The following PTPRD variants were observed in gnomAD, a reference collection of about 807,000 sequenced individuals.
PTPRD encodes receptor-type tyrosine-protein phosphatase delta.
In PTPRD, 34 loss-of-function variants were observed where a neutral mutation model predicts 214.5. That is an observed-to-expected ratio of 0.16 (90% CI 0.12 to 0.21). PTPRD has a LOEUF of 0.21. Ranked by LOEUF, PTPRD falls within the 10% of genes least tolerant of loss-of-function variation. The pLI is 1.00. For synonymous variants in PTPRD, 1,128 were observed against 845.7 expected (o/e 1.33, Z -5.79); for missense variants, 2,545 against 2,398.7 (o/e 1.06, Z -1.27).
Position 8,577,474 on chromosome 9 carries a change from G to A in PTPRD, c.353-48695C>T, listed in dbSNP as rs145223650. 1.4e-3 allele frequency among the ~76,000 whole-genome samples: 208 copies of A among 152,078 alleles called. 1 individual carries two copies. The highest frequency in any genetic ancestry group is 4.9e-3 in the African/African-American group (202 of 41,502). On this transcript the variant is annotated intron_variant, in intron 14 of 45. Coordinates refer to ENST00000381196, the MANE Select transcript of PTPRD (RefSeq NM_002839.4). ...TTCTCCATGTTGGTCAGGCTGGTCT[G>A]GAACTCCCGACCTCAGGTGATCCGC... is the stretch of plus-strand genomic sequence containing the variant.
chr9:10,155,649 CA>C (rs1196377676), intron 3 of PTPRD, among the ~76,000 whole-genome samples: 4 of 152,092 alleles, frequency 2.6e-5, no homozygotes, highest in African/African-American at 9.7e-5. Context: ...GAGTTTTTAA[CA>C]TGAAGTGGTG....
intron 8 of PTPRD, among the ~76,000 whole-genome samples, chr9:9,442,999 C>A (rs550863541): frequency 1.3e-5 from 2 of 152,054 alleles, no homozygotes; most frequent in East Asian, 3.9e-4. Context: ...ATTTGCTTTT[C>A]TTAGTGATAA....
At chr9:9,492,965 T>C (rs913716986) in intron 8 of PTPRD, among the ~76,000 whole-genome samples, 1 of 146,242 alleles carries the variant, frequency 6.8e-6, no homozygotes, top group Non-Finnish European at 1.5e-5. Context: ...ACAAACATAC[T>C]AGATAAATGT....
At chr9:10,024,145 CAA>C (rs1441030119) in intron 4 of PTPRD, among the ~76,000 whole-genome samples, 1 of 152,002 alleles carries the variant, frequency 6.6e-6, no homozygotes, top group African/African-American at 2.4e-5. Context: ...TGTGGGATAA[CAA>C]ATGTTTCAGT....
chr9:9,424,531 T>A (rs2080086310), intron 8 of PTPRD, among the ~76,000 whole-genome samples: 2 of 152,132 alleles, frequency 1.3e-5, no homozygotes, highest in South Asian at 2.1e-4. Context: ...CTCAGGTTTT[T>A]GAGAATTTAG....
intron 8 of PTPRD, among the ~76,000 whole-genome samples, chr9:9,451,871 G>GA (rs1473060312): frequency 1.3e-4 from 19 of 150,560 alleles, no homozygotes; most frequent in South Asian, 2.1e-4. Context: ...AGATGAATGA[G>GA]AAAAAATTCA....
chr9:8,737,661 T>C (rs1212802084), intron 11 of PTPRD, among the ~76,000 whole-genome samples: 1 of 152,190 alleles, frequency 6.6e-6, no homozygotes. Flanking sequence ...CTGCTCCTTC[T>C]TTCTTGAGAC....
chr9:9,877,103 A>G (rs1038249873), intron 5 of PTPRD, among the ~76,000 whole-genome samples: 3 of 152,182 alleles, frequency 2.0e-5, no homozygotes, highest in Non-Finnish European at 4.4e-5. Flanking sequence ...ATCTAATTAC[A>G]GAGATATATT....
chr9:9,206,699 G>A lies in PTPRD; in HGVS notation c.-202-23336C>T, dbSNP rs564343519. Among the ~76,000 whole-genome samples, 16 of 152,226 alleles carry A rather than the reference G, an allele frequency of 1.1e-4. No homozygotes were observed. The South Asian group carries it at 2.7e-3, about 26-fold the overall frequency. Reference sequence around the variant, plus strand: ...CTGTCTTTTGTGTTGGATGCTTCCTGGCCTTGAACATCAGACTCCAAGTTC... The same window carrying A: ...CTGTCTTTTGTGTTGGATGCTTCCTAGCCTTGAACATCAGACTCCAAGTTC... On this transcript the variant is annotated intron_variant, in intron 9 of 45. Transcript: ENST00000381196.
chr9:8,372,743 C>CT (rs2081937988), intron 39 of PTPRD, among the ~76,000 whole-genome samples: 2 of 152,098 alleles, frequency 1.3e-5, no homozygotes, highest in Non-Finnish European at 2.9e-5. Flanking sequence ...CCCTAAAATT[C>CT]TTTTTTGTTG....
At chr9:10,421,183 A>G (rs901905392) in intron 2 of PTPRD, among the ~76,000 whole-genome samples, 1 of 151,834 alleles carries the variant, frequency 6.6e-6, no homozygotes, top group African/African-American at 2.4e-5. Flanking sequence ...TTGATCTACA[A>G]AAAAATTCAC....
At chr9:9,324,605 A>G (rs932566313) in intron 9 of PTPRD, among the ~76,000 whole-genome samples, 39 of 152,188 alleles carry the variant, frequency 2.6e-4, no homozygotes, top group Middle Eastern at 3.4e-3. Context: ...TTTGACAGAT[A>G]GGTAGATTGC....
chr9:9,282,118 T>A (rs1449856791), intron 9 of PTPRD, among the ~76,000 whole-genome samples: 1 of 151,304 alleles, frequency 6.6e-6, no homozygotes, highest in African/African-American at 2.4e-5. Context: ...AATGAATAGG[T>A]GAAGTATAGA....
intron 2 of PTPRD, among the ~76,000 whole-genome samples, chr9:10,362,199 A>AG (rs1361618059): frequency 6.6e-6 from 1 of 152,188 alleles, no homozygotes; most frequent in African/African-American, 2.4e-5. Context: ...GAAACGTACT[A>AG]GTGAAATGTT....
intron 33 of PTPRD, among the ~76,000 whole-genome samples, chr9:8,456,073 G>A (rs1400367245): frequency 6.6e-6 from 1 of 152,160 alleles, no homozygotes; most frequent in Non-Finnish European, 1.5e-5. Flanking sequence ...GAGTCAACAT[G>A]TAGAAGGAAT....
At chr9:8,531,884 G>A (rs912484829) in intron 14 of PTPRD, among the ~76,000 whole-genome samples, 1 of 151,900 alleles carries the variant, frequency 6.6e-6, no homozygotes, top group Non-Finnish European at 1.5e-5. Context: ...CTCACCTTGG[G>A]GATAGCCGAC....
intron 3 of PTPRD, among the ~76,000 whole-genome samples, chr9:10,059,112 C>T (rs1372632162): frequency 1.3e-5 from 2 of 152,108 alleles, no homozygotes; most frequent in Admixed American, 6.6e-5. Flanking sequence ...TCAGTCTCGT[C>T]TCCCTTGCTA....
At chr9:8,557,335 T>C (rs1416763798) in intron 14 of PTPRD, among the ~76,000 whole-genome samples, 1 of 151,742 alleles carries the variant, frequency 6.6e-6, no homozygotes, top group Non-Finnish European at 1.5e-5. Context: ...TCAATACATG[T>C]CATGCTCTGT....
chr9:9,756,839 C>T (rs1445478027), intron 6 of PTPRD, among the ~76,000 whole-genome samples: 1 of 152,154 alleles, frequency 6.6e-6, no homozygotes, highest in African/African-American at 2.4e-5. Context: ...GTTAAGCTAG[C>T]TCCACATTTT....
Sources: gnomAD v4.1 joint callset for allele counts (sites outside exome capture counted in the v4.1 genomes callset) on GRCh38, gnomAD v4.1.1 for gene constraint, MANE v1.5 for transcripts, NCBI Gene and HGNC (gene_info 2026-07-23, HGNC 2026-07-21) for gene names.